Variants in ITGB6 observed in about 807,000 individuals in gnomAD.
ITGB6 encodes integrin beta-6.
ITGB6 carries 80 observed loss-of-function variants against 84.5 expected under a neutral mutation model. The ratio of observed to expected loss-of-function variants is 0.95; its 90% CI spans 0.79 to 1.14. ITGB6 has a LOEUF of 1.14. Among genes scored for constraint, ITGB6 ranks in the 50% most tolerant of loss-of-function variants. ITGB6 has a pLI of 0.00. For synonymous variants in ITGB6, 383 were observed against 354.9 expected, an observed-to-expected ratio of 1.08 and a Z score of -0.89; for missense variants, 1,006 against 968.0, an observed-to-expected ratio of 1.04 and a Z score of -0.52.
At chr2:160,183,776 T>A (rs1196813938) in intron 4 of ITGB6, among the ~76,000 whole-genome samples, 1 of 152,134 alleles carries the variant, frequency 6.6e-6, no homozygotes, top group Non-Finnish European at 1.5e-5. Flanking sequence ...AGAATGGAAA[T>A]CATAACAAAC....
At position 160,126,477 on chromosome 2, in the gene ITGB6, C is replaced by A; in HGVS notation, c.1785G>T (p.Gly595=). Residue 595 remains glycine, a synonymous_variant, in exon 11 of 15, where the codon GGG becomes GGT. Transcript: ENST00000283249. ...SEDGVLCSGR[G]DCVCGKCVCT... Reference sequence around the variant, plus strand: ...AAACACACTTGCCACAAACACAGTCCCCGCGCCCGCTGCAGAGCACTCCAT... The same window carrying A: ...AAACACACTTGCCACAAACACAGTCACCGCGCCCGCTGCAGAGCACTCCAT... 6.2e-7 allele frequency: 1 copy of A among 1,614,106 alleles called. No individual in the cohort carries two copies. The highest frequency in any genetic ancestry group is 8.5e-7 in the Non-Finnish European group (1 of 1,180,020).
Position 160,151,190 on chromosome 2 carries a change from T to A in ITGB6, c.1018-9119A>T, listed in dbSNP as rs540435505. On this transcript the variant is annotated intron_variant, in intron 7 of 14. Transcript: ENST00000283249. ...CTTCTTTTAAAATTGACCACATAAT[T>A]GGAAGTAAAGCACTCCTCAGCAAAT... is the stretch of plus-strand genomic sequence containing the variant. Among the ~76,000 whole-genome samples, 8 of 152,266 alleles carry A rather than the reference T, an allele frequency of 5.3e-5. No homozygotes were observed. In the East Asian group the frequency reaches 1.5e-3, roughly 29 times the overall value.
intron 4 of ITGB6, among the ~76,000 whole-genome samples, chr2:160,191,889 A>C (rs994623589): frequency 1.3e-5 from 2 of 152,162 alleles, no homozygotes; most frequent in African/African-American, 4.8e-5. Context: ...GAAAATAAAA[A>C]TGTTAAACGT....
At position 160,101,003 on chromosome 2, in the gene ITGB6, G is replaced by A. The variant is rs1236633427; in HGVS notation, c.*733C>T. 6.6e-6 allele frequency: 1 copy of A among 152,120 alleles called. No individual in the cohort carries two copies. Among genetic ancestry groups the A allele is most frequent in the African/African-American group, 2.4e-5 (1 of 41,442 alleles). The allele number at this position is 152,120 out of a possible 1,614,324, so 9.4% of individuals were successfully genotyped here. A position where few individuals can be genotyped will look rare whatever the true frequency, so the allele number is the denominator to read the frequency against. ...AGTTTGAAAACTCAGAGTCAAAAAG[G>A]AAACAGTGTAGAATATCGTTTTTCA... On this transcript the variant is annotated 3_prime_UTR_variant, in exon 15 of 15. Transcript: ENST00000283249.
chr2:160,171,363 C>T (rs1399614558), intron 6 of ITGB6, among the ~76,000 whole-genome samples: 1 of 136,272 alleles, frequency 7.3e-6, no homozygotes, highest in Non-Finnish European at 1.5e-5. Flanking sequence ...GAGACGGAGT[C>T]TCGCTCTGTC....
At chr2:160,107,082 A>G (rs985835479) in intron 14 of ITGB6, among the ~76,000 whole-genome samples, 3 of 152,156 alleles carry the variant, frequency 2.0e-5, no homozygotes, top group Non-Finnish European at 2.9e-5. Context: ...AAGGCAGTTA[A>G]ATTATTTCTG....
intron 11 of ITGB6, among the ~76,000 whole-genome samples, chr2:160,126,029 T>A (rs1347369635): frequency 6.6e-6 from 1 of 152,184 alleles, no homozygotes; most frequent in Non-Finnish European, 1.5e-5. Flanking sequence ...TGACTGCATG[T>A]GGGTGTCATC....
At chr2:160,141,373 A>G (rs904670700) in intron 8 of ITGB6, among the ~76,000 whole-genome samples, 3 of 152,160 alleles carry the variant, frequency 2.0e-5, no homozygotes, top group African/African-American at 7.2e-5. Flanking sequence ...AGAACATAAC[A>G]ACACCGTAGG....
At position 160,196,448 on chromosome 2, in the gene ITGB6, C is replaced by T. The variant is rs754687496; in HGVS notation, c.142-28G>A. 7.1e-6 allele frequency: 11 copies of T among 1,554,518 alleles called. No homozygotes were observed. In the East Asian group the frequency reaches 1.6e-4, roughly 22 times the overall value. ...AAAAAAGAAAAAGAAAAACAATAAC[C>T]AGAAAAAGAAAACAAATCTGAATTT... On this transcript the variant is annotated intron_variant, in intron 2 of 14. Coordinates refer to ENST00000283249, the MANE Select transcript of ITGB6 (RefSeq NM_000888.5).
chr2:160,178,496 C>A (rs1182276502), intron 4 of ITGB6, among the ~76,000 whole-genome samples: 1 of 152,146 alleles, frequency 6.6e-6, no homozygotes, highest in Non-Finnish European at 1.5e-5. Context: ...GTAGATTTTA[C>A]TAGAACTCTG....
At chr2:160,110,997 G>A (rs114210568) in intron 13 of ITGB6, among the ~76,000 whole-genome samples, 48 of 152,184 alleles carry the variant, frequency 3.2e-4, no homozygotes, top group African/African-American at 1.1e-3. Flanking sequence ...ATAATAACAC[G>A]CCATAATAAA....
At chr2:160,110,722 T>C in intron 13 of ITGB6, among the ~76,000 whole-genome samples, 1 of 152,186 alleles carries the variant, frequency 6.6e-6, no homozygotes, top group East Asian at 1.9e-4. Flanking sequence ...AGCCCCTTTC[T>C]CACTTCTCAG....
At chr2:160,136,907 G>T (rs528272950) in intron 10 of ITGB6, among the ~76,000 whole-genome samples, 3 of 151,866 alleles carry the variant, frequency 2.0e-5, no homozygotes, top group East Asian at 1.9e-4. Flanking sequence ...GTTGTGGGGT[G>T]GGGGGAAGGG....
rs553804735 is a variant in ITGB6 at position 160,164,871 on chromosome 2, T to A, written c.1017+4341A>T. Among the ~76,000 whole-genome samples, 26 of 152,270 alleles carry A rather than the reference T, an allele frequency of 1.7e-4. No individual in the cohort carries two copies. In the South Asian group the frequency reaches 5.2e-3, roughly 30 times the overall value. On this transcript the variant is annotated intron_variant, in intron 7 of 14. Transcript: ENST00000283249. ...GTGTGATCTAAGGGGTAACTGATGA[T>A]TTTTCATGGTTAGGATTGGAAAATA...
rs752967555 is a variant in ITGB6, at chr2:160,196,312, T to C, written c.250A>G (p.Ile84Val). The C allele has an allele frequency of 2.5e-6, 4 of 1,614,000 alleles. No homozygotes were observed. Among genetic ancestry groups the C allele is most frequent in the Non-Finnish European group, 3.4e-6 (4 of 1,179,992 alleles). The change falls in exon 3 of 15, where the codon ATA (isoleucine) becomes GTA (valine). Residue 84 changes from isoleucine (I) to valine (V), a missense_variant. Physicochemically the swap from Ile to Val is conservative, Grantham distance 29 (BLOSUM62 3). Transcript: ENST00000283249. ...ACACTGAGAGGCTTATTTTTAAGTATTTCTACTTGGGAGACAGGGTTTTCG... is the reference window on the plus strand; with the variant it reads ...ACACTGAGAGGCTTATTTTTAAGTACTTCTACTTGGGAGACAGGGTTTTCG... ...FIENPVSQVE[I>V]LKNKPLSVGR...
rs1686499894 is a variant in ITGB6 at position 160,200,082 on chromosome 2, T to G, written c.-19A>C. 1 of 1,608,776 alleles carries G rather than the reference T, an allele frequency of 6.2e-7. No individual in the cohort carries two copies. The highest frequency in any genetic ancestry group is 8.5e-7 in the Non-Finnish European group (1 of 1,176,568). On this transcript the variant is annotated 5_prime_UTR_variant, in exon 1 of 15. Transcript: ENST00000283249. Reference sequence around the variant, plus strand: ...TCCCCATTCGTTTCAGTTCTTGCTGTGCAGACCGATTAAAAAATGAATTAC... The same window carrying G: ...TCCCCATTCGTTTCAGTTCTTGCTGGGCAGACCGATTAAAAAATGAATTAC...
chr2:160,145,470 T>C (rs1008661152), intron 7 of ITGB6, among the ~76,000 whole-genome samples: 9 of 152,206 alleles, frequency 5.9e-5, no homozygotes, highest in African/African-American at 1.7e-4. Context: ...CCAAAAAGAT[T>C]ATGTATATAT....
intron 7 of ITGB6, among the ~76,000 whole-genome samples, chr2:160,153,945 G>A (rs899817585): frequency 6.6e-6 from 1 of 152,214 alleles, no homozygotes; most frequent in African/African-American, 2.4e-5. Flanking sequence ...AGATGCTGGA[G>A]AGGATGTGGA....
At chr2:160,179,309 A>G (rs1015038024) in intron 4 of ITGB6, among the ~76,000 whole-genome samples, 1 of 151,884 alleles carries the variant, frequency 6.6e-6, no homozygotes, top group African/African-American at 2.4e-5. Context: ...ATAAGAAACT[A>G]TATACCATAT....
Sources: gnomAD v4.1 joint callset for allele counts (sites outside exome capture counted in the v4.1 genomes callset) on GRCh38, gnomAD v4.1.1 for gene constraint, MANE v1.5 for transcripts, NCBI Gene and HGNC (gene_info 2026-07-23, HGNC 2026-07-21) for gene names.